The following CDH13 variants were observed in gnomAD, a reference collection of about 807,000 sequenced individuals.
CDH13 encodes the protein cadherin 13.
A neutral mutation model predicts 63.8 loss-of-function variants in CDH13; 24 were observed. The observed-to-expected ratio is 0.38, with a 90% CI of 0.27 to 0.53. CDH13 has a LOEUF of 0.53. CDH13 is among the 20% of genes least tolerant of loss of function. The pLI is 0.85. For missense variants in CDH13, 1,049 were observed against 903.1 expected (o/e 1.16, Z -2.07); for synonymous variants, 503 against 355.3 (o/e 1.42, Z -4.67).
chr16:83,763,538 T>C (rs1914144173), intron 11 of CDH13, among the ~76,000 whole-genome samples: 1 of 152,178 alleles, frequency 6.6e-6, no homozygotes, highest in African/African-American at 2.4e-5. Context: ...CTGTGGTCTT[T>C]CTCTTTTCAT....
intron 1 of CDH13, chr16:82,824,633 G>A (rs866359540): frequency 6.6e-6 from 1 of 152,168 alleles, no homozygotes; most frequent in Admixed American, 6.5e-5. Flanking sequence ...AGGCGAACAT[G>A]TTAAATGACA....
At chr16:83,181,016 C>A in intron 4 of CDH13, 1 of 1,522,894 alleles carries the variant, frequency 6.6e-7, no homozygotes, top group Admixed American at 2.0e-5. Flanking sequence ...AAACATTTTA[C>A]TTCCCACTAG....
At chr16:83,589,280 C>CCCT (rs1464386495) in intron 7 of CDH13, among the ~76,000 whole-genome samples, 51 of 51,186 alleles carry the variant, frequency 1.0e-3, no homozygotes, top group African/African-American at 5.4e-3. Context: ...TCTCCCTTTC[C>CCCT]CCCCCCCGGA....
Position 82,669,632 on chromosome 16 carries a change from A to G in CDH13, c.45+42495A>G, listed in dbSNP as rs148007483. On this transcript the variant is annotated intron_variant, in intron 1 of 13. Coordinates refer to ENST00000567109, the MANE Select transcript of CDH13 (RefSeq NM_001257.5). ...TTGTGACTAATTGTAGTATGGCCCA[A>G]TGTAAAGCCATCCCAATTAAGATGC... 1.8e-4 allele frequency among the ~76,000 whole-genome samples: 28 copies of G among 152,364 alleles called. No homozygotes were observed. In the East Asian group the frequency reaches 3.3e-3, roughly 18 times the overall value.
At chr16:83,267,793 A>C (rs1469655835) in intron 5 of CDH13, among the ~76,000 whole-genome samples, 1 of 152,148 alleles carries the variant, frequency 6.6e-6, no homozygotes, top group Non-Finnish European at 1.5e-5. Context: ...GAAATGACCC[A>C]GTCATTTTAT....
At chr16:83,144,832 A>T (rs1012406995) in intron 4 of CDH13, among the ~76,000 whole-genome samples, 1 of 152,234 alleles carries the variant, frequency 6.6e-6, no homozygotes, top group Non-Finnish European at 1.5e-5. Context: ...CCTCTTTTGC[A>T]AAAGCGTTCA....
chr16:82,676,367 T>C (rs8054295), intron 1 of CDH13, among the ~76,000 whole-genome samples: 20,139 of 152,050 alleles, frequency 0.13, 2,146 homozygotes, highest in African/African-American at 0.29. Flanking sequence ...ATCCAGTTTT[T>C]CCCCTTTCTC....
intron 4 of CDH13, among the ~76,000 whole-genome samples, chr16:83,206,709 A>G (rs2039193880): frequency 2.0e-5 from 3 of 152,256 alleles, no homozygotes; most frequent in Non-Finnish European, 4.4e-5. Flanking sequence ...CAAGAGTTAC[A>G]TAACATTTCA....
At chr16:83,373,801 C>A (rs1285401863) in intron 6 of CDH13, among the ~76,000 whole-genome samples, 1 of 152,164 alleles carries the variant, frequency 6.6e-6, no homozygotes, top group Non-Finnish European at 1.5e-5. Flanking sequence ...TAACCTATCC[C>A]TAGACCTGAG....
intron 5 of CDH13, among the ~76,000 whole-genome samples, chr16:83,317,311 G>A (rs575323553): frequency 2.0e-5 from 3 of 152,338 alleles, no homozygotes; most frequent in Admixed American, 6.5e-5. Context: ...GCCTTTGCTG[G>A]TGTCACATCT....
intron 1 of CDH13, among the ~76,000 whole-genome samples, chr16:82,636,400 G>T (rs1597178113): frequency 6.6e-6 from 1 of 152,272 alleles, no homozygotes; most frequent in East Asian, 1.9e-4. Context: ...TGGGCACCGT[G>T]GGGGCCTGGA....
chr16:82,852,591 G>A (rs1348178799), intron 1 of CDH13, among the ~76,000 whole-genome samples: 2 of 152,200 alleles, frequency 1.3e-5, no homozygotes, highest in Admixed American at 1.3e-4. Context: ...GCAGCACCAT[G>A]TCCTATTGTG....
At chr16:83,259,546 A>G (rs1906708469) in intron 5 of CDH13, among the ~76,000 whole-genome samples, 1 of 152,196 alleles carries the variant, frequency 6.6e-6, no homozygotes, top group African/African-American at 2.4e-5. Context: ...CAAAAAAGGA[A>G]ATGTGCGACA....
At chr16:83,586,988 C>G (rs891663964) in intron 7 of CDH13, among the ~76,000 whole-genome samples, 1 of 152,096 alleles carries the variant, frequency 6.6e-6, no homozygotes, top group Admixed American at 6.5e-5. Context: ...CTGTCCATGG[C>G]TAGAGTGGGT....
intron 2 of CDH13, chr16:82,925,830 C>G (rs1043265650): frequency 6.6e-6 from 1 of 152,210 alleles, no homozygotes; most frequent in Non-Finnish European, 1.5e-5. Flanking sequence ...TCTCCTACCA[C>G]CGAGGACTTG....
chr16:83,395,547 C>T (rs987615140), intron 6 of CDH13, among the ~76,000 whole-genome samples: 8 of 152,100 alleles, frequency 5.3e-5, no homozygotes, highest in Admixed American at 2.0e-4. Flanking sequence ...TATTACTCTT[C>T]CAGAAGAGGC....
At chr16:82,798,147 C>T (rs190302951) in intron 1 of CDH13, among the ~76,000 whole-genome samples, 2 of 152,322 alleles carry the variant, frequency 1.3e-5, no homozygotes, top group Admixed American at 6.5e-5. Flanking sequence ...CATTTATTAG[C>T]TGTCTACCGG....
intron 6 of CDH13, chr16:83,383,241 G>T: frequency 6.6e-6 from 1 of 152,300 alleles, no homozygotes; most frequent in Middle Eastern, 3.4e-3. Context: ...TGTTATCAGT[G>T]TTCCACCTGC....
rs151185426 is a variant in CDH13, at chr16:82,730,520, A to C, written c.45+103383A>C. 7.7e-3 allele frequency among the ~76,000 whole-genome samples: 1,179 copies of C among 152,352 alleles called. 11 individuals are homozygous for C. The highest frequency in any genetic ancestry group is 0.024 in the African/African-American group (986 of 41,586). ...TATGGGCATGGTTTGTGGCATCCCA[A>C]AACAGTTACAATAGTAACATCAAAG... On this transcript the variant is annotated intron_variant, in intron 1 of 13. Coordinates refer to ENST00000567109, the MANE Select transcript of CDH13 (RefSeq NM_001257.5).
Sources: allele counts gnomAD v4.1 joint callset (sites outside exome capture counted in the v4.1 genomes callset), GRCh38; gene constraint gnomAD v4.1.1; transcripts MANE v1.5; gene names NCBI Gene and HGNC (gene_info 2026-07-23, HGNC 2026-07-21).